The following ZNF804A variants were observed in gnomAD, a reference collection of about 807,000 sequenced individuals.
The protein encoded by ZNF804A is zinc finger protein 804A.
A neutral mutation model predicts 16.5 loss-of-function variants in ZNF804A; 2 were observed. That is an observed-to-expected ratio of 0.12 (90% CI 0.05 to 0.38). The LOEUF (loss-of-function observed/expected upper bound fraction) is 0.38. Among genes scored for constraint, ZNF804A ranks in the 10% least tolerant of loss-of-function variants. The pLI, the probability that ZNF804A is intolerant of heterozygous loss-of-function variation, is 0.99. For synonymous variants in ZNF804A, 534 were observed against 489.6 expected, an observed-to-expected ratio of 1.09 and a Z score of -1.20; for missense variants, 1,473 against 1,390.7, an observed-to-expected ratio of 1.06 and a Z score of -0.94.
chr2:184,800,578 T>C (rs958665027), intron 1 of ZNF804A, among the ~76,000 whole-genome samples: 11 of 151,820 alleles, frequency 7.2e-5, no homozygotes, highest in Middle Eastern at 4.8e-3. Context: ...CAAATACTTA[T>C]AGATTTTCTA....
intron 1 of ZNF804A, among the ~76,000 whole-genome samples, chr2:184,805,053 AG>A (rs1247066555): frequency 1.3e-5 from 2 of 152,180 alleles, no homozygotes; most frequent in Non-Finnish European, 2.9e-5. Context: ...CTTCTGGTCC[AG>A]GGACCACACT....
At position 184,829,909 on chromosome 2, in the gene ZNF804A, AAAAAAAAAAAAAACAAAAAC is replaced by A. The variant is rs1201654155; in HGVS notation, c.112-36445_112-36426del. Among the ~76,000 whole-genome samples the A allele has an allele frequency of 1.0e-4, 11 of 109,850 alleles. 1 individual carries two copies. The highest frequency in any genetic ancestry group is 2.1e-4 in the East Asian group (1 of 4,866). The allele number at this position is 109,850 out of a possible 152,430, so 72.1% of individuals were successfully genotyped here. On this transcript the variant is annotated intron_variant, in intron 1 of 3. Coordinates refer to ENST00000302277, the MANE Select transcript of ZNF804A (RefSeq NM_194250.2). ...AAACCCTGTCTCTACCAAAAAAAAA[AAAAAAAAAAAAAACAAAAAC>A]AAAAAAAAAAAAACCACACACACAC...
At chr2:184,831,375 A>G (rs1695260037) in intron 1 of ZNF804A, among the ~76,000 whole-genome samples, 1 of 152,038 alleles carries the variant, frequency 6.6e-6, no homozygotes, top group Non-Finnish European at 1.5e-5. Context: ...CTCTGAATGA[A>G]ACTGATTGTT....
At chr2:184,674,205 AT>A (rs1265189117) in intron 1 of ZNF804A, among the ~76,000 whole-genome samples, 3 of 152,028 alleles carry the variant, frequency 2.0e-5, no homozygotes, top group Non-Finnish European at 4.4e-5. Context: ...ATGTTAAAAA[AT>A]ATTAAATATT....
intron 1 of ZNF804A, among the ~76,000 whole-genome samples, chr2:184,839,100 G>A (rs1043073731): frequency 2.6e-5 from 4 of 151,898 alleles, no homozygotes; most frequent in African/African-American, 7.2e-5. Flanking sequence ...TGTTCATGAC[G>A]TACTTTAAGA....
chr2:184,817,823 C>T (rs760868869), intron 1 of ZNF804A, among the ~76,000 whole-genome samples: 3 of 151,930 alleles, frequency 2.0e-5, no homozygotes, highest in Non-Finnish European at 2.9e-5. Flanking sequence ...TGAAGACTAT[C>T]TTTCCGAAAT....
intron 1 of ZNF804A, among the ~76,000 whole-genome samples, chr2:184,837,078 C>A (rs545374543): frequency 1.3e-5 from 2 of 152,004 alleles, no homozygotes; most frequent in East Asian, 1.9e-4. Flanking sequence ...TCTTCAGAAG[C>A]CTTCCTTGAC....
chr2:184,861,001 G>C (rs968152728), intron 1 of ZNF804A, among the ~76,000 whole-genome samples: 60 of 152,206 alleles, frequency 3.9e-4, no homozygotes, highest in Admixed American at 2.9e-3. Context: ...CACAGTGGTG[G>C]AGCAGACTGA....
chr2:184,862,478 A>G (rs1305493370), intron 1 of ZNF804A, among the ~76,000 whole-genome samples: 1 of 152,168 alleles, frequency 6.6e-6, no homozygotes, highest in East Asian at 1.9e-4. Context: ...AAATGTTTGT[A>G]ATTGTACTAT....
intron 2 of ZNF804A, among the ~76,000 whole-genome samples, chr2:184,894,113 A>G (rs1383611143): frequency 6.6e-6 from 1 of 152,158 alleles, no homozygotes; most frequent in East Asian, 1.9e-4. Flanking sequence ...TTTGATATTA[A>G]CAAGGTGTTC....
At chr2:184,751,346 T>C (rs1693874743) in intron 1 of ZNF804A, among the ~76,000 whole-genome samples, 1 of 151,448 alleles carries the variant, frequency 6.6e-6, no homozygotes, top group Non-Finnish European at 1.5e-5. Context: ...ATTGGGCTCT[T>C]ATACAATACA....
intron 1 of ZNF804A, among the ~76,000 whole-genome samples, chr2:184,695,297 T>C (rs1692812794): frequency 6.6e-6 from 1 of 151,446 alleles, no homozygotes; most frequent in Non-Finnish European, 1.5e-5. Flanking sequence ...CCGTCTCTAC[T>C]AAAAATACAA....
intron 1 of ZNF804A, among the ~76,000 whole-genome samples, chr2:184,755,506 A>G (rs1693946225): frequency 6.6e-6 from 1 of 151,980 alleles, no homozygotes; most frequent in African/African-American, 2.4e-5. Context: ...CTGTGGGATG[A>G]ATCCTTCTGC....
chr2:184,619,219 G>A (rs952587322), intron 1 of ZNF804A, among the ~76,000 whole-genome samples: 2 of 151,916 alleles, frequency 1.3e-5, no homozygotes, highest in Non-Finnish European at 2.9e-5. Flanking sequence ...GATATATAGT[G>A]ATAAATATTA....
chr2:184,789,273 G>C (rs536087422), intron 1 of ZNF804A, among the ~76,000 whole-genome samples: 89 of 152,162 alleles, frequency 5.8e-4, no homozygotes, highest in Non-Finnish European at 9.4e-4. Context: ...GTGTTCATCA[G>C]TGATATTGGT....
intron 2 of ZNF804A, among the ~76,000 whole-genome samples, chr2:184,899,127 G>A (rs909808550): frequency 4.6e-5 from 7 of 151,842 alleles, no homozygotes; most frequent in Admixed American, 3.3e-4. Flanking sequence ...TACATGGTTC[G>A]TATTAATCAT....
intron 1 of ZNF804A, among the ~76,000 whole-genome samples, chr2:184,646,314 C>A (rs1241691256): frequency 6.6e-6 from 1 of 152,202 alleles, no homozygotes; most frequent in Non-Finnish European, 1.5e-5. Flanking sequence ...GCTGTAGTTT[C>A]TCTTCGGCAG....
chr2:184,931,162 C>T (rs1685692984), intron 2 of ZNF804A, among the ~76,000 whole-genome samples: 1 of 152,192 alleles, frequency 6.6e-6, no homozygotes, highest in African/African-American at 2.4e-5. Flanking sequence ...GTGGTTTTTC[C>T]AGGCACATGG....
intron 1 of ZNF804A, among the ~76,000 whole-genome samples, chr2:184,665,019 A>G (rs1692234539): frequency 6.6e-6 from 1 of 152,202 alleles, no homozygotes; most frequent in Non-Finnish European, 1.5e-5. Context: ...ATATTCAACT[A>G]GTTTAACTTT....
Sources: allele counts gnomAD v4.1 joint callset (sites outside exome capture counted in the v4.1 genomes callset), GRCh38; gene constraint gnomAD v4.1.1; transcripts MANE v1.5; gene names NCBI Gene and HGNC (gene_info 2026-07-23, HGNC 2026-07-21).